The following ZNF606 variants were observed in gnomAD, a reference collection of about 807,000 sequenced individuals.
ZNF606 encodes zinc finger protein 328.
ZNF606 carries 37 observed loss-of-function variants against 74.9 expected under a neutral mutation model. The ratio of observed to expected loss-of-function variants is 0.49; its 90% CI spans 0.38 to 0.65. ZNF606 has a LOEUF of 0.65. Ranked by LOEUF, ZNF606 falls within the 30% of genes least tolerant of loss-of-function variation. The probability of loss-of-function intolerance (pLI) is 0.00; values close to 1 mark genes in which losing one functional copy is unlikely to be tolerated. For synonymous variants in ZNF606, 328 were observed against 312.4 expected (o/e 1.05, Z -0.53); for missense variants, 852 against 952.9 (o/e 0.89, Z 1.39).
rs914292501 is a variant in ZNF606 at position 58,002,552 on chromosome 19, C to T, written c.-208G>A. The T allele has an allele frequency of 2.4e-6, 1 of 422,568 alleles. No individual in the cohort carries two copies. The highest frequency in any genetic ancestry group is 4.7e-6 in the Non-Finnish European group (1 of 211,262). The allele number at this position is 422,568 out of a possible 1,614,324, so 26.2% of individuals were successfully genotyped here. A position where few individuals can be genotyped will look rare whatever the true frequency, so the allele number is the denominator to read the frequency against. On this transcript the variant is annotated 5_prime_UTR_variant, in exon 1 of 7. Coordinates refer to ENST00000551380, the MANE Select transcript of ZNF606 (RefSeq NM_001348022.3). ...CGGGGACAAAGGCCCGCGGAGCCGA[C>T]GTGCAGCAGAGTTCACCCAGGCCCG...
chr19:57,979,696 C>G lies in ZNF606; in HGVS notation c.984G>C (p.Gln328His). ...TTGGGTGTTCATTAAATGATGGGCT[C>G]TGGTTAAAGATTTGATGGCATTCCT... ...EYKECHQIFN[Q>H]SPSFNEHPRL... The change falls in exon 7 of 7, where the codon CAG becomes CAC. Residue 328 changes from glutamine (Q) to histidine (H), a missense_variant. By Grantham distance (24) the Gln-to-His change is conservative. This residue lies in a region of ZNF606 where 545 missense variants were observed against 542.5 expected (regional missense o/e 1.00). Coordinates refer to ENST00000551380, the MANE Select transcript of ZNF606 (RefSeq NM_001348022.3). The G allele has an allele frequency of 6.2e-7, 1 of 1,613,556 alleles. No individual in the cohort carries two copies. The highest frequency in any genetic ancestry group is 8.5e-7 in the Non-Finnish European group (1 of 1,179,942).
At chr19:57,991,560 T>G (rs2073261745) in intron 4 of ZNF606, among the ~76,000 whole-genome samples, 2 of 152,110 alleles carry the variant, frequency 1.3e-5, no homozygotes, top group African/African-American at 4.8e-5. Context: ...TCCCAACACT[T>G]TGGGAGGTCA....
intron 3 of ZNF606, chr19:58,000,122 G>A (rs576438567): frequency 9.2e-6 from 5 of 543,292 alleles, no homozygotes; most frequent in African/African-American, 1.9e-5. Context: ...CCATCTCTGA[G>A]AAGCAGTGTC....
intron 4 of ZNF606, among the ~76,000 whole-genome samples, chr19:57,993,399 C>T (rs914193228): frequency 6.6e-5 from 10 of 151,910 alleles, no homozygotes; most frequent in Admixed American, 3.3e-4. Context: ...AAAATGGGGG[C>T]GTCAGCACCT....
intron 6 of ZNF606, among the ~76,000 whole-genome samples, chr19:57,986,995 T>G (rs1452824901): frequency 6.6e-6 from 1 of 151,936 alleles, no homozygotes. Context: ...GAGGCTGAGG[T>G]GGGAGGACTG....
rs2073049098 is a variant in ZNF606, at chr19:57,979,622, A to C, written c.1058T>G (p.Ile353Ser). The C allele has an allele frequency of 6.2e-7, 1 of 1,613,346 alleles. No homozygotes were observed. The highest frequency in any genetic ancestry group is 1.7e-5 in the Admixed American group (1 of 59,994). The change falls in exon 7 of 7, where the codon ATC becomes AGC. Residue 353 changes from isoleucine (I) to serine (S), a missense_variant. Physicochemically the swap from Ile to Ser is moderately radical, Grantham distance 142 (BLOSUM62 -2). Coordinates refer to ENST00000551380, the MANE Select transcript of ZNF606 (RefSeq NM_001348022.3). ...NQYNYKEYENIFYFSSFMEHQ... is the reference protein window; with the variant it reads ...NQYNYKEYENSFYFSSFMEHQ... ...TTCCATAAAGGATGAGAAATAAAAG[A>C]TATTCTCATATTCTTTGTAATTATA...
rs181633821 is a variant in ZNF606 at position 57,996,707 on chromosome 19, G to C, written c.177+3101C>G. Among the ~76,000 whole-genome samples the C allele has an allele frequency of 8.8e-4, 134 of 152,316 alleles. 3 individuals are homozygous for C. Among genetic ancestry groups the C allele is most frequent in the African/African-American group, 3.2e-3 (132 of 41,576 alleles). On this transcript the variant is annotated intron_variant, in intron 4 of 6. Coordinates refer to ENST00000551380, the MANE Select transcript of ZNF606 (RefSeq NM_001348022.3). ...ACTGTTGCCTGATGCTAAGGGGAAA[G>C]GGTGCTAAAGAGAGAAGAGTACTGC...
intron 3 of ZNF606, 62 bp from the exon 4 acceptor site, chr19:57,999,958 T>TG: frequency 1.3e-6 from 2 of 1,526,706 alleles, no homozygotes; most frequent in Non-Finnish European, 8.9e-7. Context: ...CCTTTTCTTC[T>TG]GGGGGGCTGA....
Position 57,979,587 on chromosome 19 carries a change from T to A in ZNF606, c.1093A>T (p.Ile365Phe). The A allele has an allele frequency of 6.2e-7, 1 of 1,612,894 alleles. No homozygotes were observed. The highest frequency in any genetic ancestry group is 8.5e-7 in the Non-Finnish European group (1 of 1,179,790). ...TTATACGCTTTCTCTACAGTACCAA[T>A]TTTTTGATGTTCCATAAAGGATGAG... is the stretch of plus-strand genomic sequence containing the variant. ...YFSSFMEHQK[I>F]GTVEKAYKYN... The change falls in exon 7 of 7, where the codon ATT becomes TTT. Residue 365 changes from isoleucine to phenylalanine, a missense_variant. Transcript: ENST00000551380.
chr19:58,000,428 T>C, intron 3 of ZNF606: 1 of 591,354 alleles, frequency 1.7e-6, no homozygotes, highest in Non-Finnish European at 3.0e-6. Context: ...GGTTTCACCG[T>C]GTTAGCCAGG....
rs2073425485 is a variant in ZNF606 at position 58,001,345 on chromosome 19, T to G, written c.-26A>C. The G allele has an allele frequency of 6.2e-7, 1 of 1,614,054 alleles. No individual in the cohort carries two copies. The highest frequency in any genetic ancestry group is 1.3e-5 in the African/African-American group (1 of 74,992). ...CCCGAGGACTGATTGACCAGGCACC[T>G]GCCCAGGAACACAGCAAATCCCAAC... is the stretch of plus-strand genomic sequence containing the variant. On this transcript the variant is annotated 5_prime_UTR_variant, in exon 2 of 7. Transcript: ENST00000551380.
intron 4 of ZNF606, among the ~76,000 whole-genome samples, chr19:57,994,534 G>A (rs1254017521): frequency 6.6e-6 from 1 of 152,174 alleles, no homozygotes; most frequent in Non-Finnish European, 1.5e-5. Flanking sequence ...GCTACAGACT[G>A]GGAGGAGTTA....
chr19:58,000,807 G>A (rs2073414751), intron 2 of ZNF606, 68 bp from the exon 3 acceptor site: 1 of 1,439,124 alleles, frequency 6.9e-7, no homozygotes, highest in Non-Finnish European at 9.4e-7. Context: ...AAATACAAGA[G>A]GAGGCTGACT....
chr19:57,988,549 A>G lies in ZNF606; in HGVS notation c.304+46T>C, dbSNP rs140979804. The G allele has an allele frequency of 3.5e-5, 56 of 1,590,282 alleles. 1 individual carries two copies. In the East Asian group the frequency reaches 1.2e-3, roughly 35 times the overall value. ...TTCTAAACATGGAGCAGCTGAAGGC[A>G]TTACCATGGGAACAGCTTCGTTTAC... On this transcript the variant is annotated intron_variant, in intron 5 of 6. Transcript: ENST00000551380.
intron 4 of ZNF606, among the ~76,000 whole-genome samples, chr19:57,996,455 G>A (rs759889515): frequency 2.6e-5 from 4 of 152,050 alleles, no homozygotes; most frequent in East Asian, 1.9e-4. Context: ...AGCCAAGATC[G>A]TCCCACTGCA....
At position 58,002,715 on chromosome 19, in the gene ZNF606, C is replaced by T; in HGVS notation, c.-371G>A. ...CCCACCCTGACGCCGCCTCTCCCAGCCGGCTCTCCTGACCCCCCAAGCCCC... is the reference window on the plus strand; with the variant it reads ...CCCACCCTGACGCCGCCTCTCCCAGTCGGCTCTCCTGACCCCCCAAGCCCC... On this transcript the variant is annotated 5_prime_UTR_variant, in exon 1 of 7. Coordinates refer to ENST00000551380, the MANE Select transcript of ZNF606 (RefSeq NM_001348022.3). 1 of 448,576 alleles carries T rather than the reference C, an allele frequency of 2.2e-6. No homozygotes were observed. Among genetic ancestry groups the T allele is most frequent in the Non-Finnish European group, 4.5e-6 (1 of 224,058 alleles). The allele number at this position is 448,576 out of a possible 1,614,324, so 27.8% of individuals were successfully genotyped here.
chr19:57,996,125 A>T (rs2073338905), intron 4 of ZNF606, among the ~76,000 whole-genome samples: 1 of 152,248 alleles, frequency 6.6e-6, no homozygotes, highest in Non-Finnish European at 1.5e-5. Context: ...CCATGGGCTA[A>T]AAAACAGGAA....
Position 57,979,885 on chromosome 19 carries a change from A to C in ZNF606, c.795T>G (p.Asp265Glu). 6.2e-7 allele frequency: 1 copy of C among 1,613,918 alleles called. No homozygotes were observed. Among genetic ancestry groups the C allele is most frequent in the South Asian group, 1.1e-5 (1 of 91,078 alleles). The change falls in exon 7 of 7, where the codon GAT becomes GAG. Residue 265 changes from aspartate to glutamate, a missense_variant. Physicochemically the swap from Asp to Glu is conservative, Grantham distance 45. Around this residue, in one of 3 missense-constraint regions of ZNF606, gnomAD observed 545 missense variants for 542.5 expected, o/e 1.00. Coordinates refer to ENST00000551380, the MANE Select transcript of ZNF606 (RefSeq NM_001348022.3). ...YADKVTCENN[D>E]YDKTVYQSIQ... is the part of the protein sequence containing the mutation. ...TGGACTGATAAACAGTTTTGTCATA[A>C]TCATTATTTTCACAGGTAACCTTAT...
intron 4 of ZNF606, among the ~76,000 whole-genome samples, chr19:57,989,507 T>G (rs1243249279): frequency 6.6e-6 from 1 of 151,976 alleles, no homozygotes; most frequent in Non-Finnish European, 1.5e-5. Context: ...AATGTCATGG[T>G]GTGATCTCAG....
Sources: allele counts gnomAD v4.1 joint callset (sites outside exome capture counted in the v4.1 genomes callset), GRCh38; gene constraint gnomAD v4.1.1; regional missense constraint gnomAD v4.1.1; transcripts MANE v1.5; gene names NCBI Gene and HGNC (gene_info 2026-07-23, HGNC 2026-07-21).